CD226: variants seen among roughly 807,000 people sequenced by gnomAD.
CD226 encodes CD226 molecule, also known as CD226 antigen.
In CD226, 24 loss-of-function variants were observed where a neutral mutation model predicts 34.9. That is an observed-to-expected ratio of 0.69 (90% CI 0.50 to 0.97). CD226 has a LOEUF of 0.97. Ranked by LOEUF, CD226 falls within the 50% of genes least tolerant of loss-of-function variation. CD226 has a pLI of 0.00. For missense variants in CD226, 397 were observed against 412.7 expected (o/e 0.96, Z 0.33); for synonymous variants, 148 against 147.4 (o/e 1.00, Z -0.03).
Position 69,854,111 on chromosome 18 carries a change from A to AC in CD226, c.*10202_*10203insG, listed in dbSNP as rs1982548691. ...TTCTGCCTTTAGTGTCATCATGTTA[A>AC]GGCATGGAAGATGTTGCTGCCATGC... On this transcript the variant is annotated 3_prime_UTR_variant, in exon 6 of 6. Transcript: ENST00000582621. 4.0e-4 allele frequency: 4 copies of AC among 10,078 alleles called. No homozygotes were observed. The Non-Finnish European group carries it at 0.035, about 88-fold the overall frequency. 0.6% of individuals were successfully genotyped at this position (10,078 alleles called of 1,614,324 possible). A position where few individuals can be genotyped will look rare whatever the true frequency, so the allele number is the denominator to read the frequency against.
chr18:69,939,225 C>A (rs982086227), intron 2 of CD226, among the ~76,000 whole-genome samples: 1 of 152,242 alleles, frequency 6.6e-6, no homozygotes, highest in Non-Finnish European at 1.5e-5. Context: ...CTTCCTGATT[C>A]TATTCTATCC....
chr18:69,869,093 T>C (rs1983339236), intron 4 of CD226, among the ~76,000 whole-genome samples: 1 of 152,220 alleles, frequency 6.6e-6, no homozygotes, highest in African/African-American at 2.4e-5. Flanking sequence ...GAAGACAGTG[T>C]GGTGATTCCT....
At chr18:69,882,934 T>C (rs1450198350) in intron 3 of CD226, among the ~76,000 whole-genome samples, 1 of 152,180 alleles carries the variant, frequency 6.6e-6, no homozygotes, top group Admixed American at 6.5e-5. Flanking sequence ...TCCCAAAGCA[T>C]TGGGATTACA....
At chr18:69,951,396 T>C (rs537051466), upstream of CD226, among the ~76,000 whole-genome samples, 22 of 152,218 alleles carry the variant, frequency 1.4e-4, no homozygotes, top group African/African-American at 5.1e-4. Context: ...TGTGAACAAT[T>C]TCTCTTCTCT....
At chr18:69,872,994 C>T (rs1237564954) in intron 4 of CD226, 150 bp downstream of exon 4, 1 of 579,640 alleles carries the variant, frequency 1.7e-6, no homozygotes, top group Non-Finnish European at 3.1e-6. Flanking sequence ...CTCCCTGTAA[C>T]ATTACCACAG....
At chr18:69,918,331 T>C (rs1009858373) in intron 2 of CD226, among the ~76,000 whole-genome samples, 2 of 152,156 alleles carry the variant, frequency 1.3e-5, no homozygotes, top group Non-Finnish European at 2.9e-5. Context: ...GGCAGGTGGA[T>C]CACCTGAGGT....
chr18:69,945,416 T>C (rs766629487), intron 2 of CD226, among the ~76,000 whole-genome samples: 1 of 152,192 alleles, frequency 6.6e-6, no homozygotes, highest in Non-Finnish European at 1.5e-5. Context: ...AACCAGTTCA[T>C]GTAGTCATCA....
intron 2 of CD226, among the ~76,000 whole-genome samples, chr18:69,943,974 T>TGA (rs773157080): frequency 0.041 from 3,385 of 81,838 alleles, 71 homozygotes; most frequent in African/African-American, 0.1. Context: ...ATTCCAAGTC[T>TGA]TTTTTTTTTT....
intron 2 of CD226, among the ~76,000 whole-genome samples, chr18:69,943,018 T>C (rs1276075894): frequency 1.3e-5 from 2 of 152,220 alleles, no homozygotes; most frequent in African/African-American, 2.4e-5. Flanking sequence ...TCTCTGGCTC[T>C]TCAGAAAAAT....
intron 3 of CD226, among the ~76,000 whole-genome samples, chr18:69,891,382 C>G (rs771393813): frequency 2.0e-5 from 3 of 151,914 alleles, no homozygotes; most frequent in Non-Finnish European, 4.4e-5. Context: ...AACATCATAC[C>G]AAGTCATGTA....
intron 5 of CD226, among the ~76,000 whole-genome samples, chr18:69,865,104 C>T (rs1306627742): frequency 6.6e-6 from 1 of 152,090 alleles, no homozygotes; most frequent in African/African-American, 2.4e-5. Flanking sequence ...GCAATTCTGC[C>T]TCAGCCTCAC....
intron 1 of CD226, among the ~76,000 whole-genome samples, chr18:69,954,676 C>T (rs1161102861): frequency 6.6e-6 from 1 of 152,032 alleles, no homozygotes; most frequent in African/African-American, 2.4e-5. Flanking sequence ...CTTGTAGGAA[C>T]TCCTTATTCC....
At chr18:69,888,456 T>C (rs918471298) in intron 3 of CD226, among the ~76,000 whole-genome samples, 23 of 148,710 alleles carry the variant, frequency 1.5e-4, no homozygotes, top group Non-Finnish European at 1.8e-4. Flanking sequence ...TCTGGCTCTG[T>C]TGCCCAGGCT....
rs924613064 is a variant in CD226 at position 69,856,516 on chromosome 18, G to C, written c.*7798C>G. The C allele has an allele frequency of 1.1e-4, 16 of 151,988 alleles. No homozygotes were observed. The highest frequency in any genetic ancestry group is 3.9e-4 in the African/African-American group (16 of 41,404). 9.4% of individuals were successfully genotyped at this position (151,988 alleles called of 1,614,324 possible). A position where few individuals can be genotyped will look rare whatever the true frequency, so the allele number is the denominator to read the frequency against. On this transcript the variant is annotated 3_prime_UTR_variant, in exon 6 of 6. Transcript: ENST00000582621. ...ACAGCAGAATGAACATTCTTCTTAA[G>C]ATCACATGAAACATTCTACAAGATA...
At chr18:69,958,657 TACCTACAGGG>T (rs1304824990), upstream of CD226, among the ~76,000 whole-genome samples, 1 of 152,052 alleles carries the variant, frequency 6.6e-6, no homozygotes, top group Non-Finnish European at 1.5e-5. Flanking sequence ...CTGCTGCTCA[TACCTACAGGG>T]ACCTAGCTTG....
chr18:69,925,683 A>G (rs1296839863), intron 2 of CD226, among the ~76,000 whole-genome samples: 2 of 152,062 alleles, frequency 1.3e-5, no homozygotes, highest in African/African-American at 4.8e-5. Context: ...TCCCTACTAT[A>G]TTACTAAAAT....
chr18:69,865,188 C>T (rs1250118420), intron 5 of CD226, among the ~76,000 whole-genome samples: 2 of 152,100 alleles, frequency 1.3e-5, no homozygotes, highest in African/African-American at 4.8e-5. Flanking sequence ...TGGAGTTTCG[C>T]CATGTTGGCC....
intron 2 of CD226, among the ~76,000 whole-genome samples, chr18:69,930,572 T>C (rs1188939698): frequency 2.0e-5 from 3 of 152,032 alleles, no homozygotes; most frequent in Non-Finnish European, 4.4e-5. Context: ...ACGAAAGAAA[T>C]AGGTGTCAAA....
At chr18:69,927,405 CAT>C (rs981861988) in intron 2 of CD226, among the ~76,000 whole-genome samples, 6 of 152,066 alleles carry the variant, frequency 3.9e-5, no homozygotes, top group African/African-American at 7.2e-5. Flanking sequence ...CACACACACA[CAT>C]ATACCATCTT....
Sources: allele counts gnomAD v4.1 joint callset (sites outside exome capture counted in the v4.1 genomes callset), GRCh38; gene constraint gnomAD v4.1.1; transcripts MANE v1.5; gene names NCBI Gene and HGNC (gene_info 2026-07-23, HGNC 2026-07-21).